The following VWA8 variants were observed in gnomAD, a reference collection of about 807,000 sequenced individuals.
The protein encoded by VWA8 is von Willebrand factor A domain-containing protein 8.
In VWA8, 221 loss-of-function variants were observed where a neutral mutation model predicts 241.5. That is an observed-to-expected ratio of 0.91 (90% CI 0.82 to 1.02). The LOEUF is 1.02. Ranked by LOEUF, VWA8 falls within the 50% of genes least tolerant of loss-of-function variation. The probability of loss-of-function intolerance (pLI) is 0.00; values close to 1 mark genes in which losing one functional copy is unlikely to be tolerated. For missense variants in VWA8, 2,322 were observed against 2,328.7 expected (o/e 1.00, Z 0.06); for synonymous variants, 852 against 827.1 (o/e 1.03, Z -0.52).
At chr13:41,636,044 CCAAT>C (rs1162446583) in intron 37 of VWA8, among the ~76,000 whole-genome samples, 1 of 152,100 alleles carries the variant, frequency 6.6e-6, no homozygotes, top group Non-Finnish European at 1.5e-5. Flanking sequence ...GCCGAATAAA[CCAAT>C]CAGAGCACAC....
At chr13:41,890,750 C>T (rs1874797014) in intron 5 of VWA8, among the ~76,000 whole-genome samples, 1 of 152,162 alleles carries the variant, frequency 6.6e-6, no homozygotes, top group African/African-American at 2.4e-5. Flanking sequence ...ATTGTAAAAA[C>T]TTTTGAATTT....
chr13:41,960,848 G>A lies in VWA8; in HGVS notation c.163+5C>T. ...CAGGGAGGACAGGGGCGCACCCCGAGTTACCTGTGTCGGCCCCCGAGCCGG... is the reference window on the plus strand; with the variant it reads ...CAGGGAGGACAGGGGCGCACCCCGAATTACCTGTGTCGGCCCCCGAGCCGG... On this transcript the variant is annotated splice_donor_5th_base_variant and intron_variant, in intron 1 of 44. Transcript: ENST00000379310. 7.9e-6 allele frequency: 12 copies of A among 1,517,692 alleles called. No homozygotes were observed. Among genetic ancestry groups the A allele is most frequent in the Non-Finnish European group, 9.7e-6 (11 of 1,138,876 alleles). The allele number at this position is 1,517,692 out of a possible 1,614,324, so 94.0% of individuals were successfully genotyped here. A position where few individuals can be genotyped will look rare whatever the true frequency, so the allele number is the denominator to read the frequency against.
At chr13:41,600,478 T>C (rs2044514171) in intron 40 of VWA8, among the ~76,000 whole-genome samples, 1 of 152,088 alleles carries the variant, frequency 6.6e-6, no homozygotes, top group South Asian at 2.1e-4. Context: ...TTCTCACCCT[T>C]CCCCTCTCTT....
rs1020302928 is a variant in VWA8, at chr13:41,571,262, A to G, written c.5371-556T>C. On this transcript the variant is annotated intron_variant, in intron 43 of 44. Coordinates refer to ENST00000379310, the MANE Select transcript of VWA8 (RefSeq NM_015058.2). ...TTACCAATGATATGATTGTATATCTAGAAAACCCTGTCCCTCTCCCGTCTC... is the reference window on the plus strand; with the variant it reads ...TTACCAATGATATGATTGTATATCTGGAAAACCCTGTCCCTCTCCCGTCTC... 2.8e-5 allele frequency among the ~76,000 whole-genome samples: 4 copies of G among 142,916 alleles called. No individual in the cohort carries two copies. In the Admixed American group the frequency reaches 2.9e-4, roughly 10 times the overall value. 93.8% of individuals were successfully genotyped at this position (142,916 alleles called of 152,430 possible).
chr13:41,590,547 A>G, intron 41 of VWA8, 93 bp downstream of exon 41: 1 of 1,293,452 alleles, frequency 7.7e-7, no homozygotes, highest in Admixed American at 2.5e-5. Context: ...CATATTCAGG[A>G]TTTGTGATAT....
At chr13:41,643,664 C>T (rs2044811605) in intron 37 of VWA8, among the ~76,000 whole-genome samples, 1 of 152,176 alleles carries the variant, frequency 6.6e-6, no homozygotes, top group South Asian at 2.1e-4. Flanking sequence ...TGGTATGTCC[C>T]TTATGGGGCA....
intron 20 of VWA8, among the ~76,000 whole-genome samples, chr13:41,767,205 T>C (rs2045784982): frequency 6.6e-6 from 1 of 152,150 alleles, no homozygotes; most frequent in Non-Finnish European, 1.5e-5. Flanking sequence ...ATTAATGTCA[T>C]TAACAAATAC....
chr13:41,712,530 T>C (rs548685449), intron 26 of VWA8, among the ~76,000 whole-genome samples: 1 of 152,328 alleles, frequency 6.6e-6, no homozygotes, highest in African/African-American at 2.4e-5. Context: ...AAATATCTGA[T>C]CCATGTTTCC....
intron 1 of VWA8, among the ~76,000 whole-genome samples, chr13:41,956,947 A>C (rs959678636): frequency 2.0e-5 from 3 of 152,326 alleles, no homozygotes; most frequent in African/African-American, 7.2e-5. Flanking sequence ...TATCTGTATA[A>C]ATATACATAT....
At chr13:41,596,034 G>A (rs978767558) in intron 40 of VWA8, among the ~76,000 whole-genome samples, 6 of 152,094 alleles carry the variant, frequency 3.9e-5, no homozygotes, top group African/African-American at 1.4e-4. Flanking sequence ...TTGGTGTACA[G>A]TATACTCCTT....
chr13:41,736,322 A>T (rs2045524528), intron 21 of VWA8, among the ~76,000 whole-genome samples: 1 of 152,228 alleles, frequency 6.6e-6, no homozygotes, highest in Admixed American at 6.5e-5. Flanking sequence ...CTCTATTCTT[A>T]ACTTTGGCAC....
intron 20 of VWA8, among the ~76,000 whole-genome samples, chr13:41,766,923 G>A (rs2045782931): frequency 6.6e-6 from 1 of 152,102 alleles, no homozygotes; most frequent in South Asian, 2.1e-4. Context: ...ACACGTCTGG[G>A]AGCTCCCTGC....
intron 40 of VWA8, among the ~76,000 whole-genome samples, chr13:41,599,083 A>G (rs1051516143): frequency 9.9e-5 from 15 of 152,002 alleles, no homozygotes; most frequent in African/African-American, 3.6e-4. Flanking sequence ...GTACTGTTCT[A>G]TTTGTTGGGA....
chr13:41,697,301 C>T (rs982838084), intron 29 of VWA8, among the ~76,000 whole-genome samples: 1 of 152,222 alleles, frequency 6.6e-6, no homozygotes, highest in African/African-American at 2.4e-5. Context: ...CCTCATTGTG[C>T]CTTAGCACCT....
chr13:41,752,217 A>C (rs2045661530), intron 21 of VWA8, among the ~76,000 whole-genome samples: 1 of 152,114 alleles, frequency 6.6e-6, no homozygotes, highest in Non-Finnish European at 1.5e-5. Flanking sequence ...GTTTTCAATA[A>C]CCATAATGCT....
chr13:41,659,573 A>G (rs906481845), intron 37 of VWA8, among the ~76,000 whole-genome samples: 3 of 152,198 alleles, frequency 2.0e-5, no homozygotes, highest in African/African-American at 7.2e-5. Flanking sequence ...CAACTGGAGT[A>G]ACTCCCAGGG....
At chr13:41,912,287 G>A in intron 2 of VWA8, 119 bp from the exon 3 acceptor site, 1 of 747,164 alleles carries the variant, frequency 1.3e-6, no homozygotes, top group East Asian at 3.7e-5. Context: ...GTGTTTATCT[G>A]TGTATTTATA....
intron 9 of VWA8, among the ~76,000 whole-genome samples, chr13:41,872,944 G>C (rs1370944488): frequency 6.6e-6 from 1 of 152,068 alleles, no homozygotes; most frequent in African/African-American, 2.4e-5. Flanking sequence ...CATGAGCATG[G>C]AATGTTCTTC....
intron 21 of VWA8, among the ~76,000 whole-genome samples, chr13:41,755,288 T>C (rs577715055): frequency 9.2e-5 from 14 of 152,182 alleles, no homozygotes; most frequent in African/African-American, 3.4e-4. Flanking sequence ...TGACTGACTT[T>C]TGGATACAAG....
Sources: gnomAD v4.1 joint callset for allele counts (sites outside exome capture counted in the v4.1 genomes callset) on GRCh38, gnomAD v4.1.1 for gene constraint, MANE v1.5 for transcripts, NCBI Gene and HGNC (gene_info 2026-07-23, HGNC 2026-07-21) for gene names.